GRIK3: variants seen among roughly 807,000 people sequenced by gnomAD.
GRIK3 encodes the protein glutamate ionotropic receptor kainate type subunit 3.
GRIK3 carries 29 observed loss-of-function variants against 102.5 expected under a neutral mutation model. That is an observed-to-expected ratio of 0.28 (90% CI 0.21 to 0.39). The LOEUF (loss-of-function observed/expected upper bound fraction) is 0.39, where lower values mean the gene tolerates loss of function less well. GRIK3 is among the 10% of genes least tolerant of loss of function. GRIK3 has a pLI of 1.00. For missense variants in GRIK3, 908 were observed against 1,252.4 expected (o/e 0.73, Z 4.15); for synonymous variants, 511 against 504.9 (o/e 1.01, Z -0.16).
chr1:36,997,027 G>T (rs1333888663), intron 1 of GRIK3, among the ~76,000 whole-genome samples: 1 of 152,194 alleles, frequency 6.6e-6, no homozygotes, highest in Admixed American at 6.5e-5. Flanking sequence ...TGCCAAGAGT[G>T]CTGAGGCTGA....
rs1570830284 is a variant in GRIK3, at chr1:36,963,927, A to C, written c.115+70067T>G. ...TTGTTTCCATTTGTCCATCATCCCC[A>C]GGGACAAAGAAGTAGCTGGTGAGGA... On this transcript the variant is annotated intron_variant, in intron 1 of 15. Coordinates refer to ENST00000373091, the MANE Select transcript of GRIK3 (RefSeq NM_000831.4). Among the ~76,000 whole-genome samples the C allele has an allele frequency of 3.3e-5, 5 of 152,240 alleles. No homozygotes were observed. In the South Asian group the frequency reaches 1.0e-3, roughly 31 times the overall value.
chr1:36,898,273 A>G (rs535752717), intron 1 of GRIK3, among the ~76,000 whole-genome samples: 1 of 152,264 alleles, frequency 6.6e-6, no homozygotes, highest in South Asian at 2.1e-4. Context: ...TTAAAAACTA[A>G]AATAGTGTAA....
chr1:36,809,884 C>T (rs776324505), intron 13 of GRIK3, among the ~76,000 whole-genome samples: 2 of 152,310 alleles, frequency 1.3e-5, no homozygotes, highest in South Asian at 2.1e-4. Context: ...CTGGCTGTGA[C>T]GTTAATTTTA....
At chr1:36,831,802 C>A (rs1254678805) in intron 10 of GRIK3, among the ~76,000 whole-genome samples, 4 of 152,202 alleles carry the variant, frequency 2.6e-5, no homozygotes, top group African/African-American at 4.8e-5. Context: ...AATTAAATAA[C>A]CCCGTGTGGC....
intron 8 of GRIK3, among the ~76,000 whole-genome samples, chr1:36,851,928 C>T (rs963551580): frequency 6.6e-6 from 1 of 152,138 alleles, no homozygotes; most frequent in Non-Finnish European, 1.5e-5. Context: ...TAATTGCCCT[C>T]CCTAGAATTT....
intron 5 of GRIK3, among the ~76,000 whole-genome samples, chr1:36,868,271 G>T (rs1640807488): frequency 6.6e-6 from 1 of 152,226 alleles, no homozygotes; most frequent in Non-Finnish European, 1.5e-5. Flanking sequence ...TGACTTTCCA[G>T]GAGACAGCAT....
intron 9 of GRIK3, among the ~76,000 whole-genome samples, chr1:36,848,126 T>G (rs944228104): frequency 1.3e-5 from 2 of 152,242 alleles, no homozygotes; most frequent in African/African-American, 4.8e-5. Flanking sequence ...CCTCTGCTTA[T>G]GTAGCAAAAA....
At chr1:36,854,705 C>T (rs898336340) in intron 7 of GRIK3, among the ~76,000 whole-genome samples, 3 of 152,052 alleles carry the variant, frequency 2.0e-5, no homozygotes, top group African/African-American at 7.2e-5. Flanking sequence ...TTCTATGAGC[C>T]CCTTTACAGA....
At chr1:36,989,938 A>T (rs1403471018) in intron 1 of GRIK3, among the ~76,000 whole-genome samples, 1 of 152,278 alleles carries the variant, frequency 6.6e-6, no homozygotes, top group Non-Finnish European at 1.5e-5. Context: ...TTAAAATCCT[A>T]TGAAGCAAAT....
rs1237238355 is a variant in GRIK3 at position 36,798,473 on chromosome 1, A to T, written c.*3378T>A. On this transcript the variant is annotated 3_prime_UTR_variant, in exon 16 of 16. Coordinates refer to ENST00000373091, the MANE Select transcript of GRIK3 (RefSeq NM_000831.4). Reference sequence around the variant, plus strand: ...GTGTGCACACACACTACACATGCATACACACACATACACACACACGCATGC... The same window carrying T: ...GTGTGCACACACACTACACATGCATTCACACACATACACACACACGCATGC... 1 of 152,262 alleles carries T rather than the reference A, an allele frequency of 6.6e-6. No individual in the cohort carries two copies. The highest frequency in any genetic ancestry group is 1.5e-5 in the Non-Finnish European group (1 of 68,096). The allele number at this position is 152,262 out of a possible 1,614,324, so 9.4% of individuals were successfully genotyped here. A position where few individuals can be genotyped will look rare whatever the true frequency, so the allele number is the denominator to read the frequency against.
intron 1 of GRIK3, among the ~76,000 whole-genome samples, chr1:36,913,184 T>A (rs1053008938): frequency 6.6e-6 from 1 of 152,068 alleles, no homozygotes; most frequent in Admixed American, 6.6e-5. Context: ...CCCACCACCA[T>A]CCCAACTGGG....
At chr1:36,927,691 C>T (rs1452071713) in intron 1 of GRIK3, among the ~76,000 whole-genome samples, 1 of 152,136 alleles carries the variant, frequency 6.6e-6, no homozygotes, top group Non-Finnish European at 1.5e-5. Context: ...CCTCTGTCGG[C>T]CAATTCATTT....
chr1:36,841,735 C>T lies in GRIK3; in HGVS notation c.1530+1G>A, dbSNP rs150709090. 2 of 1,612,842 alleles carry T rather than the reference C, an allele frequency of 1.2e-6. No individual in the cohort carries two copies. The highest frequency in any genetic ancestry group is 1.7e-6 in the Non-Finnish European group (2 of 1,178,814). On this transcript the variant is annotated splice_donor_variant, in intron 10 of 15. Transcript: ENST00000373091. LOFTEE classifies it high-confidence loss of function. ...CCTCCCATGCTCCCATCCATGCTTACGTGGTCGATGAGCTCCTTGACCATG... is the reference window on the plus strand; with the variant it reads ...CCTCCCATGCTCCCATCCATGCTTATGTGGTCGATGAGCTCCTTGACCATG...
chr1:36,866,880 C>T (rs1640790589), intron 5 of GRIK3, among the ~76,000 whole-genome samples: 1 of 152,202 alleles, frequency 6.6e-6, no homozygotes, highest in Non-Finnish European at 1.5e-5. Context: ...TCCATCTGTC[C>T]ATCCATCCAG....
chr1:36,867,800 A>T (rs547303707), intron 5 of GRIK3, among the ~76,000 whole-genome samples: 45 of 152,156 alleles, frequency 3.0e-4, no homozygotes, highest in Non-Finnish European at 5.9e-4. Context: ...GCTTGTGATT[A>T]AACCCCCTCT....
At chr1:36,913,044 A>G (rs3767067) in intron 1 of GRIK3, among the ~76,000 whole-genome samples, 116,426 of 152,054 alleles carry the variant, frequency 0.77, 47,396 homozygotes, top group Non-Finnish European at 0.89. Flanking sequence ...CTATTAGTAG[A>G]TAGGGAGACT....
chr1:36,929,531 G>C (rs149012308), intron 1 of GRIK3, among the ~76,000 whole-genome samples: 5 of 152,066 alleles, frequency 3.3e-5, no homozygotes, highest in African/African-American at 1.2e-4. Flanking sequence ...AGGCACAAAG[G>C]GTGTCCATCA....
At chr1:36,873,488 TC>T (rs1438507454) in intron 3 of GRIK3, among the ~76,000 whole-genome samples, 1 of 151,954 alleles carries the variant, frequency 6.6e-6, no homozygotes, top group Admixed American at 6.6e-5. Flanking sequence ...TGTATATACT[TC>T]CCGCCCCTTC....
intron 1 of GRIK3, among the ~76,000 whole-genome samples, chr1:36,941,462 G>A (rs1641718491): frequency 6.6e-6 from 1 of 152,198 alleles, no homozygotes; most frequent in African/African-American, 2.4e-5. Context: ...GGCCCGGGCT[G>A]GGGGTGGCTT....
Sources: gnomAD v4.1 joint callset for allele counts (sites outside exome capture counted in the v4.1 genomes callset) on GRCh38, gnomAD v4.1.1 for gene constraint, MANE v1.5 for transcripts, NCBI Gene and HGNC (gene_info 2026-07-23, HGNC 2026-07-21) for gene names.